Variants in GOLGA2 observed in about 807,000 individuals in gnomAD.
The protein encoded by GOLGA2 is golgin subfamily A member 2.
Under a neutral mutation model 148.8 loss-of-function variants are expected in GOLGA2, and 49 were observed. The ratio of observed to expected loss-of-function variants is 0.33; its 90% confidence interval spans 0.26 to 0.42. GOLGA2 has a LOEUF of 0.42. GOLGA2 is among the 10% of genes least tolerant of loss of function. GOLGA2 has a pLI of 1.00. For synonymous variants in GOLGA2, 501 were observed against 511.8 expected, an observed-to-expected ratio of 0.98 and a Z score of 0.28; for missense variants, 1,178 against 1,304.6, an observed-to-expected ratio of 0.90 and a Z score of 1.49.
chr9:128,264,344 C>A (rs951630741), intron 12 of GOLGA2, among the ~76,000 whole-genome samples: 3 of 151,270 alleles, frequency 2.0e-5, no homozygotes, highest in Non-Finnish European at 4.4e-5. Flanking sequence ...ATGTGATTCT[C>A]CTGCCTCAGG....
chr9:128,262,108 G>A, intron 14 of GOLGA2: 1 of 273,314 alleles, frequency 3.7e-6, no homozygotes, highest in Non-Finnish European at 6.9e-6. Context: ...AGCTGAGGCA[G>A]GAGGATGGCT....
Position 128,260,608 on chromosome 9 carries a change from C to T in GOLGA2, c.1615G>A (p.Glu539Lys), listed in dbSNP as rs746303791. 1.1e-5 allele frequency: 17 copies of T among 1,611,240 alleles called. No homozygotes were observed. Among genetic ancestry groups the T allele is most frequent in the Non-Finnish European group, 1.3e-5 (15 of 1,179,966 alleles). Residue 539 changes from glutamate to lysine, a missense_variant, in exon 18 of 27, where the codon GAG becomes AAG. Physicochemically the swap from Glu to Lys is moderately conservative, Grantham distance 56. Coordinates refer to ENST00000611957, the MANE Select transcript of GOLGA2 (RefSeq NM_001366244.2). The surrounding 1 kb of genome is among the most constrained non-coding windows in gnomAD (Gnocchi z 4.8). ...GCCTCCGCCTGCTCCCCCCAGAGCT[C>T]GGCCGCCCGCTCCAGCTCCAGCAGC... ...ERLLELERAA[E>K]LWGEQAEARR...
At chr9:128,275,754 A>C in intron 1 of GOLGA2, 139 bp downstream of exon 1, 1 of 589,014 alleles carries the variant, frequency 1.7e-6, no homozygotes, top group Non-Finnish European at 2.9e-6. Flanking sequence ...GGCTGACAAG[A>C]CTTTGGTGGA....
intron 6 of GOLGA2, 33 bp downstream of exon 6, chr9:128,267,901 C>T (rs747375800): frequency 8.5e-6 from 13 of 1,534,496 alleles, no homozygotes; most frequent in Non-Finnish European, 1.1e-5. Flanking sequence ...TCCCTTCCCC[C>T]CACCCCGCTC....
rs12347709 is a variant in GOLGA2 at position 128,260,826 on chromosome 9, A to G, written c.1421-24T>C. ...AGCTGAGAAAGGACGCAGACAATAAAAGCCTCTGGATTCTCAAAAAAACCC... is the reference window on the plus strand; with the variant it reads ...AGCTGAGAAAGGACGCAGACAATAAGAGCCTCTGGATTCTCAAAAAAACCC... On this transcript the variant is annotated intron_variant, in intron 17 of 26. Transcript: ENST00000611957. The surrounding 1 kb of genome is among the most constrained non-coding windows in gnomAD (Gnocchi z 4.8). 0.068 allele frequency: 103,058 copies of G among 1,508,790 alleles called. 4,662 individuals carry two copies. Among genetic ancestry groups the G allele is most frequent in the East Asian group, 0.21 (9,324 of 44,118 alleles). The allele number at this position is 1,508,790 out of a possible 1,614,324, so 93.5% of individuals were successfully genotyped here. A position where few individuals can be genotyped will look rare whatever the true frequency, so the allele number is the denominator to read the frequency against.
chr9:128,274,005 A>C (rs1326031924), intron 1 of GOLGA2, 33 bp from the exon 2 acceptor site: 3 of 1,602,814 alleles, frequency 1.9e-6, no homozygotes, highest in African/African-American at 2.7e-5. Context: ...TATTCATGAG[A>C]TCTACAAGCC....
intron 12 of GOLGA2, among the ~76,000 whole-genome samples, chr9:128,264,764 G>A (rs1213522809): frequency 6.6e-6 from 1 of 152,172 alleles, no homozygotes; most frequent in East Asian, 1.9e-4. Flanking sequence ...GAGGCCCAGA[G>A]AGATCAGATA....
chr9:128,275,902 C>A lies in GOLGA2; in HGVS notation c.75G>T (p.Ala25=). ...EETRQSKLAA[A]KKKLREYQQR... ...ACCCGGTGCACTTTACCTTTTTCTT[C>A]GCTGCGGCCAATTTGCTCTGTCGGG... Residue 25 remains alanine (A), a synonymous_variant, in exon 1 of 27, where the codon GCG becomes GCT. Coordinates refer to ENST00000611957, the MANE Select transcript of GOLGA2 (RefSeq NM_001366244.2). The A allele has an allele frequency of 6.4e-7, 1 of 1,567,156 alleles. No homozygotes were observed. The highest frequency in any genetic ancestry group is 8.7e-7 in the Non-Finnish European group (1 of 1,153,934).
chr9:128,265,706 G>A lies in GOLGA2; in HGVS notation c.827-15C>T. On this transcript the variant is annotated splice_polypyrimidine_tract_variant and intron_variant, in intron 11 of 26. Coordinates refer to ENST00000611957, the MANE Select transcript of GOLGA2 (RefSeq NM_001366244.2). Reference sequence around the variant, plus strand: ...TTCAGACTCTCCTGGAATGAGAGAGGTTGAGATGGGGCCCAAAGGACTCCC... The same window carrying A: ...TTCAGACTCTCCTGGAATGAGAGAGATTGAGATGGGGCCCAAAGGACTCCC... 6.2e-7 allele frequency: 1 copy of A among 1,612,434 alleles called. No homozygotes were observed. The highest frequency in any genetic ancestry group is 1.3e-5 in the African/African-American group (1 of 75,032).
chr9:128,266,260 T>C lies in GOLGA2; in HGVS notation c.681+27A>G. Reference sequence around the variant, plus strand: ...TGCCCCCCAAACCCAGCAGTCATGTTGTGAGCAAACAAAGAAATCACGTTA... The same window carrying C: ...TGCCCCCCAAACCCAGCAGTCATGTCGTGAGCAAACAAAGAAATCACGTTA... On this transcript the variant is annotated intron_variant, in intron 9 of 26. Coordinates refer to ENST00000611957, the MANE Select transcript of GOLGA2 (RefSeq NM_001366244.2). This position sits in a 1 kb window ranked among gnomAD's most constrained non-coding sequence, Gnocchi z 4.2. 1 of 1,596,770 alleles carries C rather than the reference T, an allele frequency of 6.3e-7. No homozygotes were observed. The highest frequency in any genetic ancestry group is 8.6e-7 in the Non-Finnish European group (1 of 1,164,476).
chr9:128,261,101 G>A lies in GOLGA2; in HGVS notation c.1420+71C>T. The stretch of plus-strand genomic sequence containing the variant: ...GCCATTCCATCCACCCAACTCCCTG[G>A]GGCATTCTAAACCACCCCCACAACC... On this transcript the variant is annotated intron_variant, in intron 17 of 26. Coordinates refer to ENST00000611957, the MANE Select transcript of GOLGA2 (RefSeq NM_001366244.2). The surrounding 1 kb of genome is among the most constrained non-coding windows in gnomAD (Gnocchi z 5.7). The A allele has an allele frequency of 9.8e-7, 1 of 1,025,542 alleles. No homozygotes were observed. Among genetic ancestry groups the A allele is most frequent in the Non-Finnish European group, 1.6e-6 (1 of 644,710 alleles). The allele number at this position is 1,025,542 out of a possible 1,614,324, so 63.5% of individuals were successfully genotyped here. A position where few individuals can be genotyped will look rare whatever the true frequency, so the allele number is the denominator to read the frequency against.
At position 128,267,994 on chromosome 9, in the gene GOLGA2, A is replaced by G. The variant is rs1830699470; in HGVS notation, c.441T>C (p.Thr147=). 1 of 1,613,832 alleles carries G rather than the reference A, an allele frequency of 6.2e-7. No individual in the cohort carries two copies. Residue 147 remains threonine, a synonymous_variant, in exon 6 of 27, where the codon ACT becomes ACC. Coordinates refer to ENST00000611957, the MANE Select transcript of GOLGA2 (RefSeq NM_001366244.2). ...GTCGCAGGCTCTCGGTTGATGAGAA[A>G]GTCCTAGGGATGGAGACACAGGGGT... ...NVPNLMDETK[T]FSSTESLRQL... is the part of the protein sequence containing the mutation.
In GOLGA2 at chr9:128,267,463, G is replaced by A; in HGVS notation, c.556C>T (p.Leu186=). 2 of 1,612,738 alleles carry A rather than the reference G, an allele frequency of 1.2e-6. No homozygotes were observed. The highest frequency in any genetic ancestry group is 1.7e-6 in the Non-Finnish European group (2 of 1,178,744). Reference sequence around the variant, plus strand: ...CACGGCCCAGGGCCTCTTACCTCCAGATCCTTCAGGTTAGCAGACGATGCA... The same window carrying A: ...CACGGCCCAGGGCCTCTTACCTCCAAATCCTTCAGGTTAGCAGACGATGCA... ...GPASSANLKD[L]ESRYQQLAVA... is the part of the protein sequence containing the mutation. Residue 186 remains leucine, a synonymous_variant, in exon 7 of 27, where the codon CTG becomes TTG. Transcript: ENST00000611957.
intron 13 of GOLGA2, 162 bp from the exon 14 acceptor site, chr9:128,262,866 C>CA: frequency 1.2e-6 from 1 of 805,710 alleles, no homozygotes; most frequent in African/African-American, 1.7e-5. Context: ...ATACGAGTTA[C>CA]CCAAGGCTAC....
At position 128,258,996 on chromosome 9, in the gene GOLGA2, G is replaced by A. The variant is rs746922801; in HGVS notation, c.2173+11C>T. 1.0e-5 allele frequency: 16 copies of A among 1,552,818 alleles called. No homozygotes were observed. The highest frequency in any genetic ancestry group is 3.4e-4 in the Middle Eastern group (2 of 5,896). On this transcript the variant is annotated intron_variant, in intron 21 of 26. Transcript: ENST00000611957. This position sits in a 1 kb window ranked among gnomAD's most constrained non-coding sequence, Gnocchi z 6.6. ...GGGCTCTCTCCTCTTCCTGTGAGCA[G>A]GTTCCCGTACCTTCCCCAGGGTGAG...
intron 13 of GOLGA2, 43 bp from the exon 14 acceptor site, chr9:128,262,747 A>G: frequency 6.3e-7 from 1 of 1,586,136 alleles, no homozygotes; most frequent in Non-Finnish European, 8.6e-7. Context: ...CGAAGAACAG[A>G]AAGGACTGCT....
At position 128,271,082 on chromosome 9, in the gene GOLGA2, T is replaced by G. The variant is rs1830914109; in HGVS notation, c.288+1703A>C. Among the ~76,000 whole-genome samples, 1 of 152,010 alleles carries G rather than the reference T, an allele frequency of 6.6e-6. No homozygotes were observed. The highest frequency in any genetic ancestry group is 2.1e-4 in the South Asian group (1 of 4,816). ...AAACAGCAAGAAGGAAATACGGGGA[T>G]CTAGGCCTTTGTTTCCAGAATAGAG... is the stretch of plus-strand genomic sequence containing the variant. On this transcript the variant is annotated intron_variant, in intron 3 of 26. Coordinates refer to ENST00000611957, the MANE Select transcript of GOLGA2 (RefSeq NM_001366244.2). This position sits in a 1 kb window ranked among gnomAD's most constrained non-coding sequence, Gnocchi z 4.4.
chr9:128,274,019 A>C (rs1175987236), intron 1 of GOLGA2, 47 bp from the exon 2 acceptor site: 11 of 1,584,678 alleles, frequency 6.9e-6, no homozygotes, highest in Admixed American at 3.4e-5. Flanking sequence ...ACAAGCCCCC[A>C]CAGTTACATC....
Position 128,261,279 on chromosome 9 carries a change from A to G in GOLGA2, c.1333-20T>C, listed in dbSNP as rs1324534267. On this transcript the variant is annotated intron_variant, in intron 16 of 26. Transcript: ENST00000611957. The surrounding 1 kb of genome is among the most constrained non-coding windows in gnomAD (Gnocchi z 5.7). ...GTGCACCTGCCCAAAGCACAGCAAGAAAGGGCCCTGGAGAGGGGCTGGTGG... is the reference window on the plus strand; with the variant it reads ...GTGCACCTGCCCAAAGCACAGCAAGGAAGGGCCCTGGAGAGGGGCTGGTGG... The G allele has an allele frequency of 6.3e-7, 1 of 1,595,724 alleles. No individual in the cohort carries two copies. Among genetic ancestry groups the G allele is most frequent in the Non-Finnish European group, 8.6e-7 (1 of 1,163,454 alleles).
Sources: gnomAD v4.1 joint callset for allele counts (sites outside exome capture counted in the v4.1 genomes callset) on GRCh38, gnomAD v4.1.1 for gene constraint, Gnocchi (gnomAD v3.1) non-coding constraint, MANE v1.5 for transcripts, NCBI Gene and HGNC (gene_info 2026-07-23, HGNC 2026-07-21) for gene names.